The following NRP1 variants were observed in gnomAD, a reference collection of about 807,000 sequenced individuals.
The protein encoded by NRP1 is neuropilin 1.
NRP1 carries 35 observed loss-of-function variants against 106.7 expected under a neutral mutation model. The ratio of observed to expected loss-of-function variants is 0.33; its 90% CI spans 0.25 to 0.43. The LOEUF is 0.43. Among genes scored for constraint, NRP1 ranks in the 20% least tolerant of loss-of-function variants. The pLI is 1.00. For missense variants in NRP1, 1,024 were observed against 1,170.4 expected (o/e 0.87, Z 1.83); for synonymous variants, 437 against 417.9 (o/e 1.05, Z -0.56).
At position 33,180,198 on chromosome 10, in the gene NRP1, A is replaced by C; in HGVS notation, c.2650T>G (p.Trp884Gly). The change falls in exon 17 of 17, where the codon TGG (tryptophan) becomes GGG (glycine). Residue 884 changes from tryptophan to glycine, a missense_variant. Trp to Gly is a radical substitution (Grantham distance 184). Transcript: ENST00000374867. ...VCGVVLYCAC[W>G]HNGMSERNLS... ...TTTCTTTCTGACATCCCATTATGCC[A>C]ACAGGCACAGTACAGCACGACCCCA... The C allele has an allele frequency of 6.2e-7, 1 of 1,614,148 alleles. No homozygotes were observed. The highest frequency in any genetic ancestry group is 1.1e-5 in the South Asian group (1 of 91,086).
chr10:33,290,388 G>T (rs2052653608), intron 2 of NRP1, among the ~76,000 whole-genome samples: 1 of 148,648 alleles, frequency 6.7e-6, no homozygotes, highest in Admixed American at 6.7e-5. Flanking sequence ...GGCCACCAAG[G>T]CATGAGGGGA....
intron 9 of NRP1, 34 bp from the exon 10 acceptor site, chr10:33,207,750 A>T: frequency 6.3e-7 from 1 of 1,577,974 alleles, no homozygotes. Context: ...GCATTAAGGA[A>T]AAAAAAAAAC....
chr10:33,194,195 T>C (rs890194266), intron 12 of NRP1, among the ~76,000 whole-genome samples: 6 of 152,220 alleles, frequency 3.9e-5, no homozygotes, highest in African/African-American at 1.4e-4. Context: ...GACTGAATGA[T>C]TGAGCAACCT....
At chr10:33,204,243 C>A (rs1356143933) in intron 10 of NRP1, among the ~76,000 whole-genome samples, 1 of 152,028 alleles carries the variant, frequency 6.6e-6, no homozygotes, top group Non-Finnish European at 1.5e-5. Flanking sequence ...AAAAATTTGA[C>A]ACTGAATGGT....
At chr10:33,327,209 A>T (rs897152970) in intron 2 of NRP1, among the ~76,000 whole-genome samples, 1 of 152,152 alleles carries the variant, frequency 6.6e-6, no homozygotes, top group Non-Finnish European at 1.5e-5. Flanking sequence ...TTTAGTTTTG[A>T]CGTATGTTTA....
At chr10:33,304,730 T>A (rs1300676114) in intron 2 of NRP1, among the ~76,000 whole-genome samples, 1 of 152,182 alleles carries the variant, frequency 6.6e-6, no homozygotes. Context: ...TATTTGTGGA[T>A]CCAATTCAGT....
At chr10:33,310,980 G>A (rs1031533803) in intron 2 of NRP1, among the ~76,000 whole-genome samples, 9 of 152,268 alleles carry the variant, frequency 5.9e-5, no homozygotes, top group South Asian at 2.1e-4. Flanking sequence ...GAGCTGACTT[G>A]GTTCAGTCCC....
At chr10:33,298,807 C>T (rs1845597513) in intron 2 of NRP1, among the ~76,000 whole-genome samples, 1 of 152,152 alleles carries the variant, frequency 6.6e-6, no homozygotes, top group African/African-American at 2.4e-5. Flanking sequence ...ACGCATACCA[C>T]CAGGCACACC....
chr10:33,263,261 T>A (rs1005049354), intron 4 of NRP1, among the ~76,000 whole-genome samples: 2 of 152,238 alleles, frequency 1.3e-5, no homozygotes, highest in African/African-American at 4.8e-5. Flanking sequence ...AGTGGTTTGA[T>A]GTAATGGAAT....
chr10:33,221,398 C>A (rs1249743728), intron 8 of NRP1, among the ~76,000 whole-genome samples: 1 of 152,142 alleles, frequency 6.6e-6, no homozygotes, highest in East Asian at 1.9e-4. Context: ...ACATGCCAGG[C>A]TGTGCTACGT....
At chr10:33,212,966 T>G in intron 9 of NRP1, 1 of 459,356 alleles carries the variant, frequency 2.2e-6, no homozygotes, top group Non-Finnish European at 3.9e-6. Context: ...CCACTGAGCC[T>G]GGCCCACAAT....
At chr10:33,219,602 T>C (rs527950732) in intron 8 of NRP1, among the ~76,000 whole-genome samples, 13 of 152,358 alleles carry the variant, frequency 8.5e-5, no homozygotes, top group Admixed American at 3.3e-4. Flanking sequence ...AACTAGATCA[T>C]TTAACTATTT....
At chr10:33,309,415 T>C (rs560457769) in intron 2 of NRP1, among the ~76,000 whole-genome samples, 86 of 152,350 alleles carry the variant, frequency 5.6e-4, no homozygotes, top group African/African-American at 2.0e-3. Flanking sequence ...CTGCGTGTAT[T>C]TCTTTCAAAT....
chr10:33,292,396 C>T (rs1487306819), intron 2 of NRP1, among the ~76,000 whole-genome samples: 2 of 152,248 alleles, frequency 1.3e-5, no homozygotes, highest in Middle Eastern at 3.4e-3. Context: ...TCTTATCTTT[C>T]CAGCATATTT....
chr10:33,223,466 A>AG (rs1260404192), intron 7 of NRP1, among the ~76,000 whole-genome samples: 1 of 151,788 alleles, frequency 6.6e-6, no homozygotes, highest in Non-Finnish European at 1.5e-5. Flanking sequence ...CCATTAAAAA[A>AG]AAAAAAAAAT....
At chr10:33,210,633 C>T (rs1564384914) in intron 9 of NRP1, among the ~76,000 whole-genome samples, 1 of 152,172 alleles carries the variant, frequency 6.6e-6, no homozygotes, top group Non-Finnish European at 1.5e-5. Flanking sequence ...TCGACCTTCT[C>T]TCTGTTGCTA....
rs761386013 is a variant in NRP1, at chr10:33,254,138, T to A, written c.871A>T (p.Ile291Phe). Residue 291 changes from isoleucine to phenylalanine, a missense_variant, in exon 6 of 17, where the codon ATC becomes TTC. By Grantham distance (21) the Ile-to-Phe change is conservative (BLOSUM62 0). This residue lies in a region of NRP1 where 562 missense variants were observed against 620.3 expected (regional missense o/e 0.91). Transcript: ENST00000374867. Reference protein sequence around the residue: ...MESGEIHSDQITASSQYSTNW... With the variant: ...MESGEIHSDQFTASSQYSTNW... ...GTGCTATACTGGGAAGAAGCTGTGATCTGGTCAGAATGAATTTCTCCTGAT... is the reference window on the plus strand; with the variant it reads ...GTGCTATACTGGGAAGAAGCTGTGAACTGGTCAGAATGAATTTCTCCTGAT... The A allele has an allele frequency of 1.2e-6, 2 of 1,613,980 alleles. No individual in the cohort carries two copies. The highest frequency in any genetic ancestry group is 2.2e-5 in the South Asian group (2 of 91,052).
At chr10:33,273,542 C>G (rs552501662) in intron 2 of NRP1, among the ~76,000 whole-genome samples, 15 of 152,170 alleles carry the variant, frequency 9.9e-5, no homozygotes, top group Non-Finnish European at 1.8e-4. Flanking sequence ...TTGCAAATTT[C>G]GATCCCGAAG....
At chr10:33,272,415 G>A (rs1184829544) in intron 2 of NRP1, among the ~76,000 whole-genome samples, 1 of 152,146 alleles carries the variant, frequency 6.6e-6, no homozygotes, top group Non-Finnish European at 1.5e-5. Context: ...CAAAACTGTG[G>A]AAATACACAG....
Sources: allele counts gnomAD v4.1 joint callset (sites outside exome capture counted in the v4.1 genomes callset), GRCh38; gene constraint gnomAD v4.1.1; regional missense constraint gnomAD v4.1.1; transcripts MANE v1.5; gene names NCBI Gene and HGNC (gene_info 2026-07-23, HGNC 2026-07-21).